The following PSD3 variants were observed in gnomAD, a reference collection of about 807,000 sequenced individuals.
The protein encoded by PSD3 is PH and SEC7 domain-containing protein 3.
A neutral mutation model predicts 105.5 loss-of-function variants in PSD3; 49 were observed. That is an observed-to-expected ratio of 0.46 (90% CI 0.37 to 0.59). The LOEUF (loss-of-function observed/expected upper bound fraction) is 0.59, where lower values mean the gene tolerates loss of function less well. Ranked by LOEUF, PSD3 falls within the 20% of genes least tolerant of loss-of-function variation. PSD3 has a pLI of 0.00. For missense variants in PSD3, 1,561 were observed against 1,263.8 expected, an observed-to-expected ratio of 1.24 and a Z score of -3.57; for synonymous variants, 557 against 457.8, an observed-to-expected ratio of 1.22 and a Z score of -2.77.
At chr8:18,962,254 AAAAG>A (rs1472110927) in intron 1 of PSD3, among the ~76,000 whole-genome samples, 1 of 152,224 alleles carries the variant, frequency 6.6e-6, no homozygotes, top group African/African-American at 2.4e-5. Flanking sequence ...CTCCAAAAAA[AAAAG>A]AAAGATAGGT....
chr8:18,547,585 C>CT (rs1207011006), intron 15 of PSD3, among the ~76,000 whole-genome samples: 1 of 152,216 alleles, frequency 6.6e-6, no homozygotes, highest in Non-Finnish European at 1.5e-5. Context: ...TCACTACTCT[C>CT]TTGCTACACT....
At chr8:18,656,057 T>C (rs1808869627) in intron 9 of PSD3, among the ~76,000 whole-genome samples, 1 of 152,172 alleles carries the variant, frequency 6.6e-6, no homozygotes, top group Non-Finnish European at 1.5e-5. Flanking sequence ...CTCATACTTT[T>C]TTCTTTTCTT....
intron 1 of PSD3, among the ~76,000 whole-genome samples, chr8:19,074,367 G>A (rs1486762347): frequency 6.6e-6 from 1 of 151,886 alleles, no homozygotes; most frequent in African/African-American, 2.4e-5. Flanking sequence ...TCCCGGGTCC[G>A]GGGGGTGCCA....
chr8:18,735,450 C>G (rs1205175957), intron 9 of PSD3, among the ~76,000 whole-genome samples: 1 of 152,066 alleles, frequency 6.6e-6, no homozygotes, highest in Non-Finnish European at 1.5e-5. Flanking sequence ...ACACTACTCC[C>G]TAGGATAAGA....
At position 18,759,078 on chromosome 8, in the gene PSD3, T is replaced by TCACACACACACACACACACACACACACA. The variant is rs199628183; in HGVS notation, c.2172+6370_2172+6371insTGTGTGTGTGTGTGTGTGTGTGTGTGTG. 5.7e-4 allele frequency among the ~76,000 whole-genome samples: 85 copies of TCACACACACACACACACACACACACACA among 148,618 alleles called. 1 individual carries two copies. In the South Asian group the frequency reaches 8.3e-3, roughly 14 times the overall value. ...ACATCCTTTCAATTTAACCCATTCT[T>TCACACACACACACACACACACACACACA]CACACACACACACACTCTCTCTCTC... On this transcript the variant is annotated intron_variant, in intron 9 of 15. Coordinates refer to ENST00000327040, the MANE Select transcript of PSD3 (RefSeq NM_015310.4).
At chr8:18,555,353 A>G (rs1335798958) in intron 15 of PSD3, among the ~76,000 whole-genome samples, 2 of 152,158 alleles carry the variant, frequency 1.3e-5, no homozygotes, top group African/African-American at 4.8e-5. Flanking sequence ...GGAGAGGAAC[A>G]ATGAGAAGTA....
At chr8:18,539,830 G>C (rs139381577) in intron 15 of PSD3, among the ~76,000 whole-genome samples, 453 of 152,194 alleles carry the variant, frequency 3.0e-3, no homozygotes, top group Non-Finnish European at 4.8e-3. Context: ...ACAAGCGTGA[G>C]GCACCACACT....
At chr8:18,624,701 A>G (rs1016047512) in intron 11 of PSD3, among the ~76,000 whole-genome samples, 5 of 151,088 alleles carry the variant, frequency 3.3e-5, no homozygotes, top group Admixed American at 2.6e-4. Context: ...AAAAGAATAA[A>G]AGAAAAAATA....
At chr8:18,790,750 ATCCTT>A (rs1809643127) in intron 8 of PSD3, among the ~76,000 whole-genome samples, 1 of 108,508 alleles carries the variant, frequency 9.2e-6, no homozygotes, top group Non-Finnish European at 2.0e-5. Flanking sequence ...TCTAGCCCTG[ATCCTT>A]CTCTTAGGAC....
At chr8:18,678,498 T>C (rs1295513303) in intron 9 of PSD3, among the ~76,000 whole-genome samples, 1 of 152,254 alleles carries the variant, frequency 6.6e-6, no homozygotes, top group Non-Finnish European at 1.5e-5. Context: ...CTCTTCGCCT[T>C]GCTTCTGCAA....
At chr8:18,631,216 G>T (rs117251676) in intron 11 of PSD3, among the ~76,000 whole-genome samples, 1 of 151,994 alleles carries the variant, frequency 6.6e-6, no homozygotes, top group East Asian at 1.9e-4. Context: ...ATTATTCAAT[G>T]TATGAAGAAG....
At chr8:18,670,849 G>T (rs542299877) in intron 9 of PSD3, among the ~76,000 whole-genome samples, 1 of 152,190 alleles carries the variant, frequency 6.6e-6, no homozygotes, top group South Asian at 2.1e-4. Context: ...GACTGACTCC[G>T]GACACAGCAA....
At chr8:18,621,118 T>C (rs1806081382) in intron 11 of PSD3, among the ~76,000 whole-genome samples, 1 of 152,062 alleles carries the variant, frequency 6.6e-6, no homozygotes, top group Non-Finnish European at 1.5e-5. Flanking sequence ...GTCAAGAGTA[T>C]TGCTTCCAGC....
At chr8:18,876,994 A>G (rs1817771898) in intron 2 of PSD3, among the ~76,000 whole-genome samples, 1 of 152,202 alleles carries the variant, frequency 6.6e-6, no homozygotes, top group Admixed American at 6.5e-5. Flanking sequence ...AGACATGCCC[A>G]TTTGATGGCT....
At chr8:18,864,064 G>A (rs1816649382) in intron 4 of PSD3, among the ~76,000 whole-genome samples, 1 of 152,098 alleles carries the variant, frequency 6.6e-6, no homozygotes, top group East Asian at 1.9e-4. Flanking sequence ...TAATGACAAA[G>A]TAAAGACAGA....
intron 1 of PSD3, among the ~76,000 whole-genome samples, chr8:19,011,523 T>C (rs1055387055): frequency 6.6e-6 from 1 of 152,238 alleles, no homozygotes; most frequent in Non-Finnish European, 1.5e-5. Context: ...TTCAATGAGC[T>C]ACTTCCATCT....
At chr8:18,792,889 C>T (rs968679582) in intron 8 of PSD3, among the ~76,000 whole-genome samples, 8 of 152,216 alleles carry the variant, frequency 5.3e-5, no homozygotes, top group South Asian at 4.1e-4. Flanking sequence ...ATGTTTATTG[C>T]GGCACTATTC....
chr8:18,860,247 T>C (rs368364043), intron 4 of PSD3, among the ~76,000 whole-genome samples: 19 of 152,116 alleles, frequency 1.2e-4, no homozygotes, highest in African/African-American at 4.1e-4. Flanking sequence ...TATATGGGCA[T>C]GGTTTATGGG....
At chr8:18,877,413 G>T (rs1157263571) in intron 2 of PSD3, among the ~76,000 whole-genome samples, 2 of 152,032 alleles carry the variant, frequency 1.3e-5, no homozygotes, top group African/African-American at 4.8e-5. Context: ...GCTATCTGTT[G>T]AAAAGACTAT....
Sources: allele counts gnomAD v4.1 joint callset (sites outside exome capture counted in the v4.1 genomes callset), GRCh38; gene constraint gnomAD v4.1.1; transcripts MANE v1.5; gene names NCBI Gene and HGNC (gene_info 2026-07-23, HGNC 2026-07-21).